BEND6: variants seen among roughly 807,000 people sequenced by gnomAD.
BEND6 encodes the protein BEN domain-containing protein 6.
BEND6 carries 24 observed loss-of-function variants against 31.8 expected under a neutral mutation model. That is an observed-to-expected ratio of 0.75 (90% CI 0.55 to 1.06). BEND6 has a LOEUF of 1.06. Among genes scored for constraint, BEND6 ranks in the 50% least tolerant of loss-of-function variants. The pLI is 0.00. For missense variants in BEND6, 294 were observed against 327.4 expected (o/e 0.90, Z 0.79); for synonymous variants, 109 against 114.6 (o/e 0.95, Z 0.31).
chr6:56,996,938 G>A (rs1373505209), intron 3 of BEND6, among the ~76,000 whole-genome samples: 13 of 152,176 alleles, frequency 8.5e-5, no homozygotes, highest in Non-Finnish European at 4.4e-5. Flanking sequence ...GAATGATTCT[G>A]TTAAATGTTA....
chr6:56,958,828 G>T (rs1825186607), intron 1 of BEND6, among the ~76,000 whole-genome samples: 1 of 152,196 alleles, frequency 6.6e-6, no homozygotes, highest in Non-Finnish European at 1.5e-5. Flanking sequence ...GAGGACTGGT[G>T]ACTAGGAGAC....
chr6:57,015,056 C>A, intron 3 of BEND6, 77 bp from the exon 4 acceptor site: 1 of 1,242,778 alleles, frequency 8.0e-7, no homozygotes, highest in South Asian at 1.4e-5. Context: ...TATGCACATA[C>A]ACTCAACAAA....
At chr6:56,976,713 C>T (rs564605797) in intron 1 of BEND6, among the ~76,000 whole-genome samples, 5 of 152,206 alleles carry the variant, frequency 3.3e-5, no homozygotes, top group East Asian at 3.9e-4. Flanking sequence ...TACAGGTGCA[C>T]GTCACCACAC....
intron 2 of BEND6, among the ~76,000 whole-genome samples, chr6:56,986,312 C>T (rs532908404): frequency 6.6e-6 from 1 of 151,998 alleles, no homozygotes; most frequent in African/African-American, 2.4e-5. Context: ...GTGACTCGCA[C>T]CTATAAACCC....
intron 1 of BEND6, among the ~76,000 whole-genome samples, chr6:56,964,262 T>A (rs1825390545): frequency 6.6e-6 from 1 of 152,050 alleles, no homozygotes; most frequent in South Asian, 2.1e-4. Context: ...TGGAAGACTA[T>A]CTTGAAATAA....
intron 3 of BEND6, among the ~76,000 whole-genome samples, chr6:57,004,168 G>A (rs1478555039): frequency 6.6e-6 from 1 of 152,102 alleles, no homozygotes; most frequent in African/African-American, 2.4e-5. Flanking sequence ...TACTAGAATT[G>A]GTAGCCAGAA....
intron 2 of BEND6, among the ~76,000 whole-genome samples, chr6:56,987,553 T>A (rs1338792895): frequency 6.6e-6 from 1 of 152,038 alleles, no homozygotes; most frequent in Non-Finnish European, 1.5e-5. Flanking sequence ...TATCTGTATG[T>A]CTCTATCATA....
intron 3 of BEND6, among the ~76,000 whole-genome samples, chr6:56,999,323 G>A (rs1826840150): frequency 6.6e-6 from 1 of 152,212 alleles, no homozygotes; most frequent in African/African-American, 2.4e-5. Context: ...CAGGCATTTG[G>A]AGCACTTGCT....
rs1268793533 is a variant in BEND6 at position 56,981,707 on chromosome 6, TA to T, written c.-100-2del. ...TGTGTCATGTTTTTGTTTTTGTTTT[TA>T]AGGGAAAGCATTAACTTTTGAGCTA... On this transcript the variant is annotated splice_polypyrimidine_tract_variant and splice_region_variant and intron_variant, in intron 1 of 6. Coordinates refer to ENST00000370746, the MANE Select transcript of BEND6 (RefSeq NM_152731.3). 7.3e-7 allele frequency: 1 copy of T among 1,375,634 alleles called. No homozygotes were observed. The allele number at this position is 1,375,634 out of a possible 1,614,324, so 85.2% of individuals were successfully genotyped here. A position where few individuals can be genotyped will look rare whatever the true frequency, so the allele number is the denominator to read the frequency against.
At chr6:56,970,264 G>C (rs753812569) in intron 1 of BEND6, among the ~76,000 whole-genome samples, 1 of 151,442 alleles carries the variant, frequency 6.6e-6, no homozygotes, top group Non-Finnish European at 1.5e-5. Context: ...GCATGATCTC[G>C]GCTCTCTACA....
At chr6:57,019,688 A>G (rs1827677037) in intron 6 of BEND6, among the ~76,000 whole-genome samples, 1 of 152,226 alleles carries the variant, frequency 6.6e-6, no homozygotes, top group Non-Finnish European at 1.5e-5. Context: ...AGAGTCAACA[A>G]TGTCTGTCTT....
chr6:56,983,224 A>AT (rs531376301), intron 2 of BEND6, among the ~76,000 whole-genome samples: 289 of 152,356 alleles, frequency 1.9e-3, no homozygotes, highest in Admixed American at 3.0e-3. Context: ...TAGGAAACAT[A>AT]TAGATAGTAA....
chr6:56,957,109 T>A (rs920174486), intron 1 of BEND6, among the ~76,000 whole-genome samples: 4 of 152,222 alleles, frequency 2.6e-5, no homozygotes, highest in Non-Finnish European at 4.4e-5. Context: ...TATATTTTTT[T>A]AACAACAAAA....
intron 2 of BEND6, among the ~76,000 whole-genome samples, chr6:56,989,615 T>C (rs548468737): frequency 3.0e-4 from 45 of 152,360 alleles, no homozygotes; most frequent in Non-Finnish European, 5.9e-4. Flanking sequence ...TACTCTATGC[T>C]TTTGTCAAGC....
chr6:57,012,484 G>T (rs1356588652), intron 3 of BEND6, among the ~76,000 whole-genome samples: 5 of 152,160 alleles, frequency 3.3e-5, no homozygotes, highest in South Asian at 2.1e-4. Context: ...TCTTGATTAG[G>T]TGTGTTTTAA....
chr6:56,976,713 C>G (rs564605797), intron 1 of BEND6, among the ~76,000 whole-genome samples: 1 of 152,088 alleles, frequency 6.6e-6, no homozygotes, highest in African/African-American at 2.4e-5. Flanking sequence ...TACAGGTGCA[C>G]GTCACCACAC....
Position 57,015,386 on chromosome 6 carries a change from G to A in BEND6, c.519+33G>A, listed in dbSNP as rs1827514221. On this transcript the variant is annotated intron_variant, in intron 4 of 6. Transcript: ENST00000370746. ...GTAATACCCGCCTTATTGTTCTTTGGAATATGCTTAAATAAAAAATTTAAA... is the reference window on the plus strand; with the variant it reads ...GTAATACCCGCCTTATTGTTCTTTGAAATATGCTTAAATAAAAAATTTAAA... 3 of 1,542,196 alleles carry A rather than the reference G, an allele frequency of 1.9e-6. No homozygotes were observed. The African/African-American group carries it at 4.1e-5, about 21-fold the overall frequency.
intron 3 of BEND6, chr6:57,004,640 A>G: frequency 8.7e-7 from 1 of 1,145,880 alleles, no homozygotes; most frequent in Non-Finnish European, 1.3e-6. Flanking sequence ...CGTGGGCTGA[A>G]TGCAATGGAG....
intron 1 of BEND6, among the ~76,000 whole-genome samples, chr6:56,963,517 A>G (rs1176549978): frequency 1.3e-5 from 2 of 152,204 alleles, no homozygotes; most frequent in East Asian, 1.9e-4. Context: ...AGCGGGGCCA[A>G]GCTGACTCCT....
Sources: gnomAD v4.1 joint callset for allele counts (sites outside exome capture counted in the v4.1 genomes callset) on GRCh38, gnomAD v4.1.1 for gene constraint, MANE v1.5 for transcripts, NCBI Gene and HGNC (gene_info 2026-07-23, HGNC 2026-07-21) for gene names.